HMCN1: variants seen among roughly 807,000 people sequenced by gnomAD.
The protein encoded by HMCN1 is hemicentin 1.
Under a neutral mutation model 625.9 loss-of-function variants are expected in HMCN1, and 321 were observed. That is an observed-to-expected ratio of 0.51 (90% CI 0.47 to 0.56). The LOEUF is 0.56. HMCN1 is among the 20% of genes least tolerant of loss of function. The pLI is 0.00. For synonymous variants in HMCN1, 2,425 were observed against 2,417.6 expected (o/e 1.00, Z -0.09); for missense variants, 6,588 against 6,887.3 (o/e 0.96, Z 1.54).
At chr1:186,071,699 G>A (rs957651012) in intron 52 of HMCN1, among the ~76,000 whole-genome samples, 1 of 152,082 alleles carries the variant, frequency 6.6e-6, no homozygotes, top group African/African-American at 2.4e-5. Flanking sequence ...TAGAAAAAAA[G>A]TCATCTTATA....
chr1:186,169,068 TCATC>T (rs1489550116), intron 100 of HMCN1, among the ~76,000 whole-genome samples: 6 of 152,148 alleles, frequency 3.9e-5, no homozygotes, highest in Non-Finnish European at 8.8e-5. Context: ...GTTTCCAGCT[TCATC>T]CATGTCCCTG....
chr1:185,913,016 G>GT lies in HMCN1; in HGVS notation c.900+1246dup, dbSNP rs397955728. On this transcript the variant is annotated intron_variant, in intron 6 of 106. Transcript: ENST00000271588. ...AAAGAGCCATTTTTCATGCCAGTCAGTTTTTTTTTTAAAGAATAACTCCAT... is the reference window on the plus strand; with the variant it reads ...AAAGAGCCATTTTTCATGCCAGTCAGTTTTTTTTTTTAAAGAATAACTCCAT... Among the ~76,000 whole-genome samples, 1,095 of 149,238 alleles carry GT rather than the reference G, an allele frequency of 7.3e-3. 21 individuals are homozygous for GT. Among genetic ancestry groups the GT allele is most frequent in the African/African-American group, 0.025 (1,013 of 40,902 alleles).
chr1:186,087,143 T>C, intron 58 of HMCN1, 74 bp from the exon 59 acceptor site: 1 of 905,310 alleles, frequency 1.1e-6, no homozygotes, highest in Non-Finnish European at 1.9e-6. Context: ...TATGTTGCTA[T>C]TTATCTGATT....
At position 186,018,208 on chromosome 1, in the gene HMCN1, G is replaced by A; in HGVS notation, c.5326G>A (p.Asp1776Asn). 1.2e-6 allele frequency: 2 copies of A among 1,612,728 alleles called. No homozygotes were observed. Among genetic ancestry groups the A allele is most frequent in the Non-Finnish European group, 1.7e-6 (2 of 1,179,000 alleles). Residue 1776 changes from aspartate (D) to asparagine (N), a missense_variant, in exon 34 of 107, where the codon GAT (aspartate) becomes AAT (asparagine). Physicochemically the swap from Asp to Asn is conservative, Grantham distance 23. Transcript: ENST00000271588. The part of the protein sequence containing the change: ...IMWLKDGQLI[D>N]ERDGFKILLN... The stretch of plus-strand genomic sequence containing the variant: ...GTGGCTGAAGGATGGCCAGTTAATT[G>A]ATGAAAGGGATGGATTCAAGATTTT...
intron 71 of HMCN1, 57 bp from the exon 72 acceptor site, chr1:186,112,755 T>C: frequency 6.2e-7 from 1 of 1,600,726 alleles, no homozygotes; most frequent in Non-Finnish European, 8.5e-7. Context: ...TGTGAAATAA[T>C]ATTTATTCTC....
chr1:185,973,961 A>T (rs146668265), intron 15 of HMCN1, among the ~76,000 whole-genome samples: 243 of 152,322 alleles, frequency 1.6e-3, no homozygotes, highest in African/African-American at 5.7e-3. Flanking sequence ...AAGAGTCACC[A>T]CATGGAGTAT....
In HMCN1 at chr1:185,865,627, A is replaced by ATT; in HGVS notation, c.499-114_499-113insTT. The ATT allele has an allele frequency of 1.2e-5, 9 of 752,874 alleles. No homozygotes were observed. The South Asian group carries it at 1.3e-4, about 11-fold the overall frequency. The allele number at this position is 752,874 out of a possible 1,614,324, so 46.6% of individuals were successfully genotyped here. On this transcript the variant is annotated intron_variant, in intron 3 of 106. Coordinates refer to ENST00000271588, the MANE Select transcript of HMCN1 (RefSeq NM_031935.3). ...CACACACACACACACACACACACAC[A>ATT]CACATTCACATATTCTACTTGCCCA... is the stretch of plus-strand genomic sequence containing the variant.
chr1:186,140,293 C>T (rs1223783766), intron 89 of HMCN1, among the ~76,000 whole-genome samples: 1 of 152,096 alleles, frequency 6.6e-6, no homozygotes, highest in Non-Finnish European at 1.5e-5. Flanking sequence ...TCCCTTTGGT[C>T]TCTTTTAATT....
intron 1 of HMCN1, among the ~76,000 whole-genome samples, chr1:185,806,873 A>G (rs978265311): frequency 2.0e-5 from 3 of 152,120 alleles, no homozygotes; most frequent in Non-Finnish European, 2.9e-5. Context: ...AGAAGGTTAA[A>G]TTAGTCTTGT....
intron 64 of HMCN1, among the ~76,000 whole-genome samples, chr1:186,092,312 A>T (rs1481470744): frequency 6.6e-6 from 1 of 151,952 alleles, no homozygotes; most frequent in Non-Finnish European, 1.5e-5. Flanking sequence ...TAATTTAATT[A>T]AACTCATGGA....
chr1:185,907,404 C>T (rs1666156065), intron 4 of HMCN1, among the ~76,000 whole-genome samples: 1 of 151,844 alleles, frequency 6.6e-6, no homozygotes. Context: ...TCATTGGGAT[C>T]TCTAGGATGA....
At position 185,916,662 on chromosome 1, in the gene HMCN1, G is replaced by A. The variant is rs550764755; in HGVS notation, c.900+4882G>A. Among the ~76,000 whole-genome samples the A allele has an allele frequency of 3.9e-5, 6 of 152,216 alleles. No homozygotes were observed. The South Asian group carries it at 1.2e-3, about 32-fold the overall frequency. ...CTATTTTATAAAACATTGAAACTCT[G>A]TTGGAGAGAGAAAAACCATCTCTAT... On this transcript the variant is annotated intron_variant, in intron 6 of 106. Coordinates refer to ENST00000271588, the MANE Select transcript of HMCN1 (RefSeq NM_031935.3).
intron 4 of HMCN1, among the ~76,000 whole-genome samples, chr1:185,881,921 G>A (rs977594226): frequency 6.6e-6 from 1 of 152,138 alleles, no homozygotes; most frequent in Admixed American, 6.5e-5. Context: ...AAGTCTCTTA[G>A]TGTTTTCTCT....
chr1:186,130,116 C>T lies in HMCN1; in HGVS notation c.13039+16C>T. 1 of 1,612,662 alleles carries T rather than the reference C, an allele frequency of 6.2e-7. No individual in the cohort carries two copies. The highest frequency in any genetic ancestry group is 1.1e-5 in the South Asian group (1 of 91,030). On this transcript the variant is annotated intron_variant, in intron 84 of 106. Transcript: ENST00000271588. ...TATGTGAAAGGTAGGGAAAAGCGCT[C>T]CATTTTTAATTTATAATGCATTCAT...
intron 1 of HMCN1, among the ~76,000 whole-genome samples, chr1:185,739,501 A>C (rs1024381034): frequency 1.3e-5 from 2 of 152,192 alleles, no homozygotes. Flanking sequence ...TACCAGAGAC[A>C]GGAGGAGAGG....
At chr1:186,064,118 A>AT (rs1657955529) in intron 48 of HMCN1, among the ~76,000 whole-genome samples, 1 of 152,088 alleles carries the variant, frequency 6.6e-6, no homozygotes, top group Non-Finnish European at 1.5e-5. Flanking sequence ...CCTGTTAATA[A>AT]TTTTTTTCTA....
chr1:185,785,554 T>C (rs377667904), intron 1 of HMCN1, among the ~76,000 whole-genome samples: 2 of 152,230 alleles, frequency 1.3e-5, no homozygotes, highest in Non-Finnish European at 1.5e-5. Flanking sequence ...AGACAAAATA[T>C]TGAAAATTGT....
intron 88 of HMCN1, 57 bp from the exon 89 acceptor site, chr1:186,137,744 AG>A: frequency 3.7e-6 from 6 of 1,613,836 alleles, no homozygotes; most frequent in Non-Finnish European, 4.2e-6. Flanking sequence ...GGATTGCCCC[AG>A]TGTAAGTATT....
chr1:185,799,804 G>A (rs964924584), intron 1 of HMCN1, among the ~76,000 whole-genome samples: 1 of 152,172 alleles, frequency 6.6e-6, no homozygotes, highest in Non-Finnish European at 1.5e-5. Context: ...AGCTGTGGTA[G>A]TGCAATGGGA....
Sources: allele counts gnomAD v4.1 joint callset (sites outside exome capture counted in the v4.1 genomes callset), GRCh38; gene constraint gnomAD v4.1.1; transcripts MANE v1.5; gene names NCBI Gene and HGNC (gene_info 2026-07-23, HGNC 2026-07-21).